Variants in RELN observed in about 807,000 individuals in gnomAD.
RELN encodes the protein reelin.
Under a neutral mutation model 427.6 loss-of-function variants are expected in RELN, and 108 were observed. The ratio of observed to expected loss-of-function variants is 0.25; its 90% confidence interval spans 0.22 to 0.30. RELN has a LOEUF of 0.30. RELN is among the 10% of genes least tolerant of loss of function. RELN has a pLI of 1.00. For synonymous variants in RELN, 1,524 were observed against 1,513.4 expected (o/e 1.01, Z -0.16); for missense variants, 3,715 against 4,302.8 (o/e 0.86, Z 3.82).
chr7:103,608,557 A>G (rs1831872925), intron 22 of RELN, among the ~76,000 whole-genome samples: 1 of 152,186 alleles, frequency 6.6e-6, no homozygotes, highest in Admixed American at 6.5e-5. Context: ...TAAAAGAGAT[A>G]CTTTATAATA....
At chr7:103,624,500 C>T (rs1355984709) in intron 20 of RELN, among the ~76,000 whole-genome samples, 2 of 152,142 alleles carry the variant, frequency 1.3e-5, no homozygotes, top group African/African-American at 2.4e-5. Flanking sequence ...GATCTCGGCT[C>T]ACTGCAACCT....
At chr7:103,724,115 T>G (rs1460095227) in intron 7 of RELN, among the ~76,000 whole-genome samples, 1 of 152,140 alleles carries the variant, frequency 6.6e-6, no homozygotes, top group Non-Finnish European at 1.5e-5. Context: ...CCGTATGCAA[T>G]AGAAAGTGGA....
At chr7:103,506,093 G>T (rs1433347928) in intron 51 of RELN, among the ~76,000 whole-genome samples, 2 of 152,190 alleles carry the variant, frequency 1.3e-5, no homozygotes, top group Admixed American at 1.3e-4. Flanking sequence ...TACGTGAAAA[G>T]ACCAAATCTA....
chr7:103,790,580 C>CTCCCTATCCCA (rs1792136990), intron 3 of RELN, among the ~76,000 whole-genome samples: 1 of 152,108 alleles, frequency 6.6e-6, no homozygotes, highest in Non-Finnish European at 1.5e-5. Context: ...ATTACCCTAA[C>CTCCCTATCCCA]TCCCAATGTG....
At chr7:103,613,483 T>G (rs1424711579) in intron 20 of RELN, among the ~76,000 whole-genome samples, 2 of 151,936 alleles carry the variant, frequency 1.3e-5, no homozygotes, top group African/African-American at 4.8e-5. Context: ...ATTGGAAAAA[T>G]AAAAGAAATC....
intron 3 of RELN, among the ~76,000 whole-genome samples, chr7:103,813,603 T>G (rs1207175837): frequency 6.6e-6 from 1 of 152,136 alleles, no homozygotes; most frequent in African/African-American, 2.4e-5. Context: ...TGCTTCATTA[T>G]ATGGACATAA....
chr7:103,884,089 G>A (rs1473935566), intron 2 of RELN, among the ~76,000 whole-genome samples: 2 of 152,126 alleles, frequency 1.3e-5, no homozygotes, highest in Non-Finnish European at 2.9e-5. Flanking sequence ...CAGATATACA[G>A]ACCAATGGAA....
chr7:103,905,211 C>T (rs958104383), intron 2 of RELN, among the ~76,000 whole-genome samples: 1 of 151,930 alleles, frequency 6.6e-6, no homozygotes, highest in African/African-American at 2.4e-5. Context: ...AAACTCCTGA[C>T]GAGTGTTCCA....
At chr7:103,774,334 T>C (rs1199342181) in intron 4 of RELN, among the ~76,000 whole-genome samples, 1 of 151,948 alleles carries the variant, frequency 6.6e-6, no homozygotes, top group Non-Finnish European at 1.5e-5. Flanking sequence ...ATGAATGTTT[T>C]ATAAGAAAAG....
chr7:103,948,743 A>G (rs1447240477), intron 1 of RELN, among the ~76,000 whole-genome samples: 2 of 151,998 alleles, frequency 1.3e-5, no homozygotes, highest in East Asian at 1.9e-4. Context: ...GCCACGCAAC[A>G]CGGTTGATGT....
intron 3 of RELN, among the ~76,000 whole-genome samples, chr7:103,831,087 A>G (rs1371850136): frequency 6.6e-6 from 1 of 152,180 alleles, no homozygotes; most frequent in Non-Finnish European, 1.5e-5. Context: ...ATCATAAGCT[A>G]TCAAATATCA....
chr7:103,975,247 G>A (rs991644089), intron 1 of RELN, among the ~76,000 whole-genome samples: 3 of 152,088 alleles, frequency 2.0e-5, no homozygotes, highest in Non-Finnish European at 2.9e-5. Context: ...TATTAGACAG[G>A]GATCCCAAGT....
At chr7:103,931,565 G>C (rs1039505779) in intron 1 of RELN, among the ~76,000 whole-genome samples, 4 of 152,198 alleles carry the variant, frequency 2.6e-5, no homozygotes, top group African/African-American at 9.6e-5. Flanking sequence ...ATTAGCAAGT[G>C]TTTTTAAAGC....
rs867914248 is a variant in RELN, at chr7:103,545,438, A to G, written c.6303-94T>C. The G allele has an allele frequency of 6.0e-6, 5 of 828,464 alleles. No individual in the cohort carries two copies. In the Middle Eastern group the frequency reaches 7.1e-4, roughly 117 times the overall value. 51.3% of individuals were successfully genotyped at this position (828,464 alleles called of 1,614,324 possible). On this transcript the variant is annotated intron_variant, in intron 41 of 64. Transcript: ENST00000428762. Reference sequence around the variant, plus strand: ...GATCAATGAACAATGGGCAGCTTCTACCTATGCTCAACACCCAAGAAATAG... The same window carrying G: ...GATCAATGAACAATGGGCAGCTTCTGCCTATGCTCAACACCCAAGAAATAG...
chr7:103,859,629 A>G (rs1436149493), intron 2 of RELN, among the ~76,000 whole-genome samples: 1 of 152,202 alleles, frequency 6.6e-6, no homozygotes, highest in Non-Finnish European at 1.5e-5. Context: ...GATTTGATTA[A>G]AGATAATATA....
rs768028730 is a variant in RELN at position 103,510,915 on chromosome 7, C to T, written c.8210G>A (p.Gly2737Glu). Residue 2737 changes from glycine to glutamate, a missense_variant, in exon 51 of 65, where the codon GGA becomes GAA. Gly to Glu is a moderately conservative substitution (Grantham distance 98). Around this residue, in one of 4 missense-constraint regions of RELN, gnomAD observed 1,310 missense variants for 1,643.0 expected, o/e 0.80. Coordinates refer to ENST00000428762, the MANE Select transcript of RELN (RefSeq NM_005045.4). ...DGVMLCGSHD[G>E]REVYAVTHDL... Reference sequence around the variant, plus strand: ...ATGGGTCACTGCATACACCTCCCGTCCATCATGACTGCCACAGAGCATCAC... The same window carrying T: ...ATGGGTCACTGCATACACCTCCCGTTCATCATGACTGCCACAGAGCATCAC... 1.9e-6 allele frequency: 3 copies of T among 1,613,152 alleles called. No individual in the cohort carries two copies. The highest frequency in any genetic ancestry group is 2.5e-6 in the Non-Finnish European group (3 of 1,179,154).
chr7:103,792,331 A>C (rs1792184481), intron 3 of RELN, among the ~76,000 whole-genome samples: 1 of 152,220 alleles, frequency 6.6e-6, no homozygotes, highest in Non-Finnish European at 1.5e-5. Context: ...GTCTGTCCAC[A>C]GATGATTGGC....
intron 2 of RELN, among the ~76,000 whole-genome samples, chr7:103,847,775 C>T (rs565421455): frequency 6.6e-6 from 1 of 152,200 alleles, no homozygotes; most frequent in East Asian, 1.9e-4. Context: ...TCTCTAAAGC[C>T]TCCTCTTCTT....
intron 2 of RELN, among the ~76,000 whole-genome samples, chr7:103,869,518 A>G (rs113655128): frequency 6.6e-6 from 1 of 152,122 alleles, no homozygotes; most frequent in Non-Finnish European, 1.5e-5. Flanking sequence ...GGATATTAGT[A>G]TATTTATGAT....
Sources: gnomAD v4.1 joint callset for allele counts (sites outside exome capture counted in the v4.1 genomes callset) on GRCh38, gnomAD v4.1.1 for gene constraint, gnomAD v4.1.1 regional missense constraint, MANE v1.5 for transcripts, NCBI Gene and HGNC (gene_info 2026-07-23, HGNC 2026-07-21) for gene names.